Variants in DENND4A observed in about 807,000 individuals in gnomAD.
DENND4A encodes C-myc promoter-binding protein.
DENND4A carries 70 observed loss-of-function variants against 199.3 expected under a neutral mutation model. The observed-to-expected ratio is 0.35, with a 90% CI of 0.29 to 0.43. The LOEUF (loss-of-function observed/expected upper bound fraction) is 0.43, where lower values mean the gene tolerates loss of function less well. DENND4A is among the 20% of genes least tolerant of loss of function. The pLI, the probability that DENND4A is intolerant of heterozygous loss-of-function variation, is 1.00. For synonymous variants in DENND4A, 686 were observed against 766.9 expected (o/e 0.89, Z 1.74); for missense variants, 1,723 against 2,255.8 (o/e 0.76, Z 4.78).
chr15:65,724,771 T>C (rs915212999), intron 11 of DENND4A, among the ~76,000 whole-genome samples: 13 of 152,254 alleles, frequency 8.5e-5, no homozygotes, highest in Non-Finnish European at 1.2e-4. Flanking sequence ...TCCTGTGTTA[T>C]AGTAAGAACG....
chr15:65,733,084 C>A (rs1209325828), intron 7 of DENND4A, among the ~76,000 whole-genome samples: 2 of 152,248 alleles, frequency 1.3e-5, no homozygotes, highest in East Asian at 3.9e-4. Context: ...TTAACTTTTA[C>A]CTAGATAGTA....
In DENND4A at chr15:65,792,117, G is replaced by A. The variant is rs1312589333; in HGVS notation, c.-209C>T. ...GGGGCTGAATGCCGCGGCGCTCTGAGCCCGCTTAGCTCATCCCCAGCCCGG... is the reference window on the plus strand; with the variant it reads ...GGGGCTGAATGCCGCGGCGCTCTGAACCCGCTTAGCTCATCCCCAGCCCGG... On this transcript the variant is annotated 5_prime_UTR_variant, in exon 1 of 33. Coordinates refer to ENST00000443035, the MANE Select transcript of DENND4A (RefSeq NM_001320835.1). The A allele has an allele frequency of 6.5e-6, 1 of 152,798 alleles. No homozygotes were observed. The highest frequency in any genetic ancestry group is 2.4e-5 in the African/African-American group (1 of 41,432). The allele number at this position is 152,798 out of a possible 1,614,324, so 9.5% of individuals were successfully genotyped here. A position where few individuals can be genotyped will look rare whatever the true frequency, so the allele number is the denominator to read the frequency against.
chr15:65,712,152 T>C (rs1017161872), intron 14 of DENND4A, among the ~76,000 whole-genome samples: 1 of 152,224 alleles, frequency 6.6e-6, no homozygotes, highest in Non-Finnish European at 1.5e-5. Flanking sequence ...TTCTGGATAC[T>C]TTGATTTGTT....
rs569077857 is a variant in DENND4A, at chr15:65,727,902, C to A, written c.1487+1170G>T. ...AGTGCAAAGAAATGAAAACATAAAA[C>A]CCTTGCATCCCTAGGGTGTAAAGAT... On this transcript the variant is annotated intron_variant, in intron 11 of 32. Transcript: ENST00000443035. 2.0e-3 allele frequency: 619 copies of A among 315,952 alleles called. 2 individuals are homozygous for A. Among genetic ancestry groups the A allele is most frequent in the Non-Finnish European group, 3.2e-3 (524 of 165,394 alleles). The allele number at this position is 315,952 out of a possible 1,614,324, so 19.6% of individuals were successfully genotyped here.
intron 14 of DENND4A, among the ~76,000 whole-genome samples, chr15:65,707,635 A>C (rs1264752422): frequency 6.6e-6 from 1 of 152,218 alleles, no homozygotes; most frequent in Non-Finnish European, 1.5e-5. Flanking sequence ...AAACATTTAC[A>C]AAATAACAAT....
chr15:65,748,922 G>C (rs938303835), intron 4 of DENND4A, among the ~76,000 whole-genome samples: 1 of 151,236 alleles, frequency 6.6e-6, no homozygotes, highest in Admixed American at 6.6e-5. Context: ...GAGCCCAAGA[G>C]GTCGAGGCTA....
chr15:65,738,955 G>A (rs2076180662), intron 5 of DENND4A, 80 bp from the exon 6 acceptor site: 19 of 1,089,434 alleles, frequency 1.7e-5, no homozygotes, highest in Admixed American at 3.3e-5. Flanking sequence ...AAAATGCTTT[G>A]TTATTTCACA....
At chr15:65,727,509 C>T (rs2075837527) in intron 11 of DENND4A, among the ~76,000 whole-genome samples, 1 of 151,470 alleles carries the variant, frequency 6.6e-6, no homozygotes. Context: ...CACCTGTAGT[C>T]CTAGCTACCT....
At chr15:65,732,307 T>C (rs929681952) in intron 8 of DENND4A, among the ~76,000 whole-genome samples, 1 of 152,122 alleles carries the variant, frequency 6.6e-6, no homozygotes, top group African/African-American at 2.4e-5. Context: ...AAATCACATG[T>C]GGATATTCAG....
intron 23 of DENND4A, among the ~76,000 whole-genome samples, chr15:65,679,233 C>A (rs1479313409): frequency 6.6e-6 from 1 of 152,182 alleles, no homozygotes; most frequent in East Asian, 1.9e-4. Flanking sequence ...TCCCGGGTAG[C>A]TGGGACTACA....
chr15:65,749,790 A>G (rs921292530), intron 4 of DENND4A, among the ~76,000 whole-genome samples: 1 of 152,222 alleles, frequency 6.6e-6, no homozygotes, highest in African/African-American at 2.4e-5. Context: ...TGTAGGAAAT[A>G]GCATTCTCAT....
chr15:65,674,251 T>C lies in DENND4A; in HGVS notation c.4369+2194A>G, dbSNP rs890622758. Among the ~76,000 whole-genome samples the C allele has an allele frequency of 5.3e-5, 8 of 152,270 alleles. No individual in the cohort carries two copies. In the South Asian group the frequency reaches 1.5e-3, roughly 28 times the overall value. ...AAGTATGATGGTATTATGATTTATG[T>C]TTTCAAAAAAACACTTCATAAAAGA... is the stretch of plus-strand genomic sequence containing the variant. On this transcript the variant is annotated intron_variant, in intron 24 of 32. Transcript: ENST00000443035.
At chr15:65,735,435 G>C (rs562065538) in intron 7 of DENND4A, among the ~76,000 whole-genome samples, 24 of 152,252 alleles carry the variant, frequency 1.6e-4, no homozygotes, top group African/African-American at 3.6e-4. Context: ...GATGTCATTT[G>C]CTTTCTGCAC....
rs75365124 is a variant in DENND4A, at chr15:65,783,949, A to C, written c.-102+8061T>G. Among the ~76,000 whole-genome samples, 256 of 152,330 alleles carry C rather than the reference A, an allele frequency of 1.7e-3. 1 individual carries two copies. The highest frequency in any genetic ancestry group is 2.8e-3 in the Admixed American group (43 of 15,302). On this transcript the variant is annotated intron_variant, in intron 1 of 32. Transcript: ENST00000443035. ...CAATTAATGACTTGTTTCCAAAAAG[A>C]CGAGTACGGGAAAACAATACAGTAA... is the stretch of plus-strand genomic sequence containing the variant.
At chr15:65,711,828 T>C (rs922038409) in intron 14 of DENND4A, among the ~76,000 whole-genome samples, 1 of 152,194 alleles carries the variant, frequency 6.6e-6, no homozygotes, top group Non-Finnish European at 1.5e-5. Context: ...TACTTCGTTG[T>C]TGTTGGTTTT....
rs775883459 is a variant in DENND4A at position 65,701,898 on chromosome 15, A to G, written c.2431-8T>C. The G allele has an allele frequency of 8.1e-6, 13 of 1,613,546 alleles. No individual in the cohort carries two copies. Among genetic ancestry groups the G allele is most frequent in the Non-Finnish European group, 1.0e-5 (12 of 1,179,706 alleles). On this transcript the variant is annotated splice_polypyrimidine_tract_variant and splice_region_variant and intron_variant, in intron 17 of 32. Transcript: ENST00000443035. ...AAGAATGCGGTAGCATACCTGAAAT[A>G]CAAGTTCAAAATTGTACCGAAACAC...
intron 14 of DENND4A, among the ~76,000 whole-genome samples, chr15:65,711,029 C>CT (rs1054305732): frequency 6.6e-6 from 1 of 152,046 alleles, no homozygotes; most frequent in South Asian, 2.1e-4. Context: ...AATTAAACCT[C>CT]TTTTTTTTAT....
Position 65,732,782 on chromosome 15 carries a change from T to C in DENND4A, c.1077A>G (p.Pro359=). ...ISHFMHKVPF[P]SPQRPRILVQ... ...CTAAAATCCGTGGTCTCTGAGGAGA[T>C]GGAAAAGGAACTTTATGCATAAAAT... The change falls in exon 8 of 33, where the codon CCA becomes CCG. Residue 359 remains proline (P), a synonymous_variant. Transcript: ENST00000443035. The C allele has an allele frequency of 6.2e-7, 1 of 1,605,878 alleles. No homozygotes were observed. Among genetic ancestry groups the C allele is most frequent in the Non-Finnish European group, 8.5e-7 (1 of 1,173,812 alleles).
chr15:65,789,183 T>A (rs554259123), intron 1 of DENND4A, among the ~76,000 whole-genome samples: 40 of 152,164 alleles, frequency 2.6e-4, no homozygotes, highest in Non-Finnish European at 5.1e-4. Context: ...ATGCTAAGTT[T>A]TAAAAAAAAC....
Sources: gnomAD v4.1 joint callset for allele counts (sites outside exome capture counted in the v4.1 genomes callset) on GRCh38, gnomAD v4.1.1 for gene constraint, MANE v1.5 for transcripts, NCBI Gene and HGNC (gene_info 2026-07-23, HGNC 2026-07-21) for gene names.